Variants in CD99L2 observed in about 807,000 individuals in gnomAD.
CD99L2 encodes CD99 molecule like 2, also known as CD99 antigen-like protein 2.
CD99L2 carries 24 observed loss-of-function variants against 27.3 expected under a neutral mutation model. The observed-to-expected ratio is 0.88, with a 90% CI of 0.64 to 1.24. The LOEUF (loss-of-function observed/expected upper bound fraction) is 1.24, where lower values mean the gene tolerates loss of function less well. Ranked by LOEUF, CD99L2 falls within the 50% of genes most tolerant of loss-of-function variation. CD99L2 has a pLI of 0.00. For missense variants in CD99L2, 255 were observed against 221.6 expected, an observed-to-expected ratio of 1.15 and a Z score of -0.96; for synonymous variants, 97 against 87.9, an observed-to-expected ratio of 1.10 and a Z score of -0.58.
At chrX:150,883,602 CA>C (rs1557422548) in intron 1 of CD99L2, among the ~76,000 whole-genome samples, 1 of 111,229 alleles carries the variant, frequency 9.0e-6, no homozygotes, top group Non-Finnish European at 1.9e-5. Flanking sequence ...AGGCACCTGA[CA>C]AAAACCAAAC....
intron 1 of CD99L2, among the ~76,000 whole-genome samples, chrX:150,859,601 T>C (rs1031421749): frequency 9.2e-5 from 10 of 108,380 alleles, no homozygotes; most frequent in Non-Finnish European, 1.7e-4. Context: ...AGGTTTAGGC[T>C]ATTCTCCTGC....
chrX:150,822,165 C>A (rs782046768), intron 2 of CD99L2, among the ~76,000 whole-genome samples: 82 of 112,424 alleles, frequency 7.3e-4, no homozygotes, highest in South Asian at 1.5e-3. Flanking sequence ...GGTATGTCTA[C>A]ACAATGGAGT....
intron 4 of CD99L2, among the ~76,000 whole-genome samples, chrX:150,808,378 CAAT>C (rs1366918646): frequency 2.7e-5 from 3 of 112,491 alleles, no homozygotes; most frequent in Non-Finnish European, 5.6e-5. Context: ...GCAAAACCAA[CAAT>C]GAGTAAACCT....
intron 1 of CD99L2, among the ~76,000 whole-genome samples, chrX:150,866,770 G>A (rs1427867416): frequency 9.0e-6 from 1 of 111,525 alleles, no homozygotes; most frequent in Non-Finnish European, 1.9e-5. Flanking sequence ...TAATTACCTT[G>A]ATTTGATCAT....
At chrX:150,872,258 T>C (rs1557422208) in intron 1 of CD99L2, among the ~76,000 whole-genome samples, 1 of 109,757 alleles carries the variant, frequency 9.1e-6, no homozygotes, top group Non-Finnish European at 1.9e-5. Flanking sequence ...AAAACACTCA[T>C]AAACAGATCA....
intron 1 of CD99L2, among the ~76,000 whole-genome samples, chrX:150,878,533 T>TAAAA (rs782675993): frequency 6.2e-5 from 4 of 64,121 alleles, no homozygotes; most frequent in African/African-American, 2.1e-4. Context: ...TTAATACTAC[T>TAAAA]AAAAAAAAAA....
intron 4 of CD99L2, among the ~76,000 whole-genome samples, chrX:150,797,924 G>C (rs1308200450): frequency 9.5e-6 from 1 of 104,955 alleles, no homozygotes; most frequent in Admixed American, 1.1e-4. Flanking sequence ...GTGCACCTGT[G>C]GTTCCAGCTA....
chrX:150,847,674 T>G (rs2046722749), intron 1 of CD99L2, among the ~76,000 whole-genome samples: 1 of 110,305 alleles, frequency 9.1e-6, no homozygotes, highest in African/African-American at 3.3e-5. Context: ...CAAAACTAAA[T>G]GCCAAGCCCT....
rs781974596 is a variant in CD99L2 at position 150,873,589 on chromosome X, AT to A, written c.67+24932del. Among the ~76,000 whole-genome samples, 21 of 112,279 alleles carry A rather than the reference AT, an allele frequency of 1.9e-4. No homozygotes were observed. The South Asian group carries it at 6.7e-3, about 36-fold the overall frequency. Reference sequence around the variant, plus strand: ...ATTATATCTCAATTTTTTTAAAGCCATAAAAAATGAAAAGTCCATTTCAGGA... The same window carrying A: ...ATTATATCTCAATTTTTTTAAAGCCAAAAAAATGAAAAGTCCATTTCAGGA... On this transcript the variant is annotated intron_variant, in intron 1 of 10. Coordinates refer to ENST00000370377, the MANE Select transcript of CD99L2 (RefSeq NM_031462.4).
At chrX:150,777,698 T>G (rs1010710590) in intron 7 of CD99L2, among the ~76,000 whole-genome samples, 1 of 112,609 alleles carries the variant, frequency 8.9e-6, no homozygotes, top group African/African-American at 3.2e-5. Flanking sequence ...GTGGAACTTT[T>G]TATTATTAAA....
chrX:150,818,565 G>A (rs1404064232), intron 2 of CD99L2, among the ~76,000 whole-genome samples: 1 of 111,134 alleles, frequency 9.0e-6, no homozygotes, highest in African/African-American at 3.3e-5. Flanking sequence ...AATACTTTGA[G>A]ATCAATGAAA....
At chrX:150,867,891 T>C (rs1283553873) in intron 1 of CD99L2, among the ~76,000 whole-genome samples, 1 of 20,344 alleles carries the variant, frequency 4.9e-5, no homozygotes, top group Non-Finnish European at 7.5e-5. Context: ...AGACTCTGTC[T>C]CAAAAAAAAA....
At chrX:150,885,413 T>C (rs2047393586) in intron 1 of CD99L2, among the ~76,000 whole-genome samples, 1 of 112,104 alleles carries the variant, frequency 8.9e-6, no homozygotes, top group South Asian at 3.7e-4. Flanking sequence ...AAACTTTACA[T>C]ATAGGCTTTT....
intron 2 of CD99L2, among the ~76,000 whole-genome samples, chrX:150,822,454 T>C (rs1557420695): frequency 1.8e-5 from 2 of 112,068 alleles, no homozygotes; most frequent in African/African-American, 6.5e-5. Context: ...AGGAGGTGGT[T>C]GTACAACATT....
At chrX:150,771,393 A>G (rs1775905742) in intron 9 of CD99L2, among the ~76,000 whole-genome samples, 1 of 112,416 alleles carries the variant, frequency 8.9e-6, no homozygotes, top group South Asian at 3.6e-4. Context: ...AGTGCAGTGG[A>G]AGCTGCCCCA....
At chrX:150,783,809 C>T (rs2045552907) in intron 7 of CD99L2, among the ~76,000 whole-genome samples, 1 of 111,466 alleles carries the variant, frequency 9.0e-6, no homozygotes, top group African/African-American at 3.3e-5. Context: ...GCAAGTTCCA[C>T]CTTTAGACCC....
intron 7 of CD99L2, among the ~76,000 whole-genome samples, chrX:150,779,896 A>G (rs1325651191): frequency 8.9e-6 from 1 of 112,532 alleles, no homozygotes; most frequent in Non-Finnish European, 1.9e-5. Context: ...TGCAAGCAAC[A>G]AAAGAAAAAC....
chrX:150,874,797 G>A (rs942747093), intron 1 of CD99L2, among the ~76,000 whole-genome samples: 9 of 111,891 alleles, frequency 8.0e-5, no homozygotes, highest in African/African-American at 2.9e-4. Context: ...TCACTGATCT[G>A]GCTCTGTCTA....
intron 4 of CD99L2, among the ~76,000 whole-genome samples, chrX:150,808,868 C>G (rs2046034067): frequency 9.0e-6 from 1 of 110,850 alleles, no homozygotes; most frequent in African/African-American, 3.3e-5. Flanking sequence ...CCGTGATTAT[C>G]CTGAATTATC....
Sources: gnomAD v4.1 joint callset for allele counts (sites outside exome capture counted in the v4.1 genomes callset) on GRCh38, gnomAD v4.1.1 for gene constraint, MANE v1.5 for transcripts, NCBI Gene and HGNC (gene_info 2026-07-23, HGNC 2026-07-21) for gene names.